The following NVL variants were observed in gnomAD, a reference collection of about 807,000 sequenced individuals.
The protein encoded by NVL is nuclear VCP like.
A neutral mutation model predicts 110.2 loss-of-function variants in NVL; 84 were observed. That is an observed-to-expected ratio of 0.76 (90% CI 0.64 to 0.91). The LOEUF is 0.91. Ranked by LOEUF, NVL falls within the 40% of genes least tolerant of loss-of-function variation. The pLI is 0.00. For missense variants in NVL, 882 were observed against 1,035.9 expected (o/e 0.85, Z 2.04); for synonymous variants, 354 against 361.1 (o/e 0.98, Z 0.22).
chr1:224,247,362 T>G (rs1661971643), intron 19 of NVL, among the ~76,000 whole-genome samples: 1 of 151,920 alleles, frequency 6.6e-6, no homozygotes, highest in South Asian at 2.1e-4. Context: ...CATGCCACTA[T>G]GCCCAACTAA....
intron 9 of NVL, among the ~76,000 whole-genome samples, 182 bp downstream of exon 9, chr1:224,303,537 CAATA>C (rs759715256): frequency 8.7e-5 from 13 of 149,512 alleles, no homozygotes; most frequent in African/African-American, 2.7e-4. Context: ...TCGTGAGAAA[CAATA>C]AATAAACTAA....
chr1:224,294,454 A>G (rs749506979), intron 11 of NVL, 43 bp from the exon 12 acceptor site: 3 of 1,594,252 alleles, frequency 1.9e-6, no homozygotes, highest in African/African-American at 2.7e-5. Flanking sequence ...AGCACTTGAC[A>G]CTGACGGCAA....
intron 18 of NVL, among the ~76,000 whole-genome samples, chr1:224,256,195 C>T (rs1663204314): frequency 1.3e-5 from 2 of 152,090 alleles, no homozygotes; most frequent in South Asian, 2.1e-4. Context: ...GAGGCTGAGG[C>T]GGGTGGATCA....
At chr1:224,294,623 G>A (rs564920152) in intron 11 of NVL, among the ~76,000 whole-genome samples, 20 of 152,220 alleles carry the variant, frequency 1.3e-4, no homozygotes, top group African/African-American at 3.9e-4. Flanking sequence ...ACAATCTATT[G>A]AGAAACATTG....
chr1:224,280,962 G>A (rs1240114270), intron 16 of NVL, among the ~76,000 whole-genome samples, 161 bp downstream of exon 16: 1 of 152,154 alleles, frequency 6.6e-6, no homozygotes, highest in East Asian at 1.9e-4. Flanking sequence ...TACACCCAAA[G>A]TGGCAGAGCA....
intron 18 of NVL, among the ~76,000 whole-genome samples, chr1:224,265,607 TG>T (rs1266112096): frequency 6.6e-6 from 1 of 152,210 alleles, no homozygotes; most frequent in African/African-American, 2.4e-5. Flanking sequence ...ATTGATGCTG[TG>T]GTTTGAACGT....
chr1:224,282,025 C>T (rs1442863381), intron 15 of NVL, among the ~76,000 whole-genome samples: 4 of 148,626 alleles, frequency 2.7e-5, no homozygotes, highest in Non-Finnish European at 4.5e-5. Flanking sequence ...AGGAAATAAA[C>T]GTTAATGTGT....
At chr1:224,236,174 T>A (rs1250064063) in intron 20 of NVL, among the ~76,000 whole-genome samples, 2 of 152,210 alleles carry the variant, frequency 1.3e-5, no homozygotes, top group African/African-American at 4.8e-5. Flanking sequence ...AAATGCATCC[T>A]GAGGGCTGCA....
At position 224,227,650 on chromosome 1, in the gene NVL, A is replaced by G; in HGVS notation, c.2547T>C (p.Arg849=). The change falls in exon 23 of 23, where the codon CGT becomes CGC. Residue 849 remains arginine (R), a synonymous_variant. Transcript: ENST00000281701. ...ISKKDQIMYE[R]LQESLSR ...ATCACCGGCTGAGGGACTCCTGCAAACGTTCATACATGATTTGATCCTGAA... is the reference window on the plus strand; with the variant it reads ...ATCACCGGCTGAGGGACTCCTGCAAGCGTTCATACATGATTTGATCCTGAA... 6.2e-7 allele frequency: 1 copy of G among 1,611,596 alleles called. No homozygotes were observed. The highest frequency in any genetic ancestry group is 8.5e-7 in the Non-Finnish European group (1 of 1,178,414).
intron 2 of NVL, among the ~76,000 whole-genome samples, chr1:224,322,985 G>T (rs1038873601): frequency 1.3e-5 from 2 of 152,012 alleles, no homozygotes; most frequent in Non-Finnish European, 2.9e-5. Context: ...GGCAATTCTG[G>T]TAAGAGCTCA....
chr1:224,263,806 T>C (rs1168435708), intron 18 of NVL, among the ~76,000 whole-genome samples: 1 of 149,316 alleles, frequency 6.7e-6, no homozygotes, highest in Non-Finnish European at 1.5e-5. Context: ...TTTCAATGTA[T>C]AAAGTAAAAA....
chr1:224,266,362 A>G (rs750812103), intron 18 of NVL, among the ~76,000 whole-genome samples: 3 of 152,208 alleles, frequency 2.0e-5, no homozygotes, highest in Non-Finnish European at 2.9e-5. Context: ...ATGTCCAAAG[A>G]TAGGGTAAAA....
intron 6 of NVL, among the ~76,000 whole-genome samples, chr1:224,306,939 A>C (rs1326601071): frequency 6.6e-6 from 1 of 152,224 alleles, no homozygotes; most frequent in Non-Finnish European, 1.5e-5. Context: ...AGATTTGGAA[A>C]GGCCTATTAA....
At chr1:224,249,533 A>G (rs1313327702) in intron 19 of NVL, among the ~76,000 whole-genome samples, 1 of 152,120 alleles carries the variant, frequency 6.6e-6, no homozygotes, top group African/African-American at 2.4e-5. Context: ...TCACGAGGTC[A>G]GGAGATCGAG....
intron 18 of NVL, among the ~76,000 whole-genome samples, chr1:224,267,563 T>C (rs530687932): frequency 1.3e-5 from 2 of 152,008 alleles, no homozygotes; most frequent in Admixed American, 1.3e-4. Flanking sequence ...TGGCAGCACC[T>C]GTAATCCCAG....
chr1:224,255,113 G>A (rs1454230941), intron 18 of NVL, among the ~76,000 whole-genome samples: 2 of 148,734 alleles, frequency 1.3e-5, no homozygotes, highest in Non-Finnish European at 3.0e-5. Flanking sequence ...CTCATGATCC[G>A]TCTGCCTCGG....
At chr1:224,310,241 G>T (rs1250499335) in intron 5 of NVL, among the ~76,000 whole-genome samples, 1 of 150,278 alleles carries the variant, frequency 6.7e-6, no homozygotes, top group Non-Finnish European at 1.5e-5. Flanking sequence ...CATTTACATT[G>T]TATTATTACA....
intron 19 of NVL, among the ~76,000 whole-genome samples, chr1:224,242,505 T>TTTTTA: frequency 6.6e-6 from 1 of 150,770 alleles, no homozygotes; most frequent in Non-Finnish European, 1.5e-5. Flanking sequence ...TTTTTTTTTT[T>TTTTTA]GAGACGGAGT....
chr1:224,305,336 C>T (rs1668810962), intron 6 of NVL, 170 bp from the exon 7 acceptor site: 3 of 627,616 alleles, frequency 4.8e-6, no homozygotes, highest in Admixed American at 6.4e-5. Context: ...TGTGAAAGTC[C>T]TTCTCCTCAT....
Sources: gnomAD v4.1 joint callset for allele counts (sites outside exome capture counted in the v4.1 genomes callset) on GRCh38, gnomAD v4.1.1 for gene constraint, MANE v1.5 for transcripts, NCBI Gene and HGNC (gene_info 2026-07-23, HGNC 2026-07-21) for gene names.